The following ARFIP1 variants were observed in gnomAD, a reference collection of about 807,000 sequenced individuals.
ARFIP1 encodes arfaptin-1.
ARFIP1 carries 24 observed loss-of-function variants against 42.5 expected under a neutral mutation model. The observed-to-expected ratio is 0.57, with a 90% confidence interval of 0.41 to 0.80. The LOEUF is 0.80. ARFIP1 is among the 30% of genes least tolerant of loss of function. ARFIP1 has a pLI of 0.00. For missense variants in ARFIP1, 354 were observed against 434.0 expected, an observed-to-expected ratio of 0.82 and a Z score of 1.64; for synonymous variants, 141 against 153.7, an observed-to-expected ratio of 0.92 and a Z score of 0.61.
chr4:152,835,610 C>A (rs1170458685), intron 2 of ARFIP1, among the ~76,000 whole-genome samples: 3 of 152,192 alleles, frequency 2.0e-5, no homozygotes, highest in Non-Finnish European at 2.9e-5. Flanking sequence ...CTTCTGAGCC[C>A]TCTCAATTCT....
intron 1 of ARFIP1, among the ~76,000 whole-genome samples, chr4:152,820,348 A>G (rs1730270584): frequency 6.6e-6 from 1 of 152,356 alleles, no homozygotes; most frequent in South Asian, 2.1e-4. Context: ...AGTGCACACT[A>G]CTGGGGAACA....
intron 1 of ARFIP1, among the ~76,000 whole-genome samples, chr4:152,782,887 T>A (rs981349065): frequency 1.3e-5 from 2 of 152,176 alleles, no homozygotes; most frequent in South Asian, 4.1e-4. Flanking sequence ...TTTTTTAGAA[T>A]GTTAACTTGA....
At chr4:152,793,200 T>C (rs1441588358) in intron 1 of ARFIP1, among the ~76,000 whole-genome samples, 2 of 151,382 alleles carry the variant, frequency 1.3e-5, no homozygotes, top group Admixed American at 6.6e-5. Flanking sequence ...ATCAAAGTTA[T>C]AAACAAGAAG....
At chr4:152,811,915 C>T (rs1729498828) in intron 1 of ARFIP1, among the ~76,000 whole-genome samples, 1 of 152,066 alleles carries the variant, frequency 6.6e-6, no homozygotes, top group South Asian at 2.1e-4. Flanking sequence ...AATGATGTTC[C>T]CCCAAAATGG....
intron 3 of ARFIP1, among the ~76,000 whole-genome samples, chr4:152,869,586 CTACA>C (rs200939431): frequency 0.014 from 2,128 of 152,078 alleles, 28 homozygotes; most frequent in African/African-American, 0.034. Flanking sequence ...GTAGCTGGGA[CTACA>C]GGCTTGTGCC....
chr4:152,796,029 G>A, intron 1 of ARFIP1: 1 of 669,060 alleles, frequency 1.5e-6, no homozygotes, highest in African/African-American at 1.8e-5. Context: ...TTCAGTTGGT[G>A]TGTAGTGCTC....
chr4:152,875,889 G>A lies in ARFIP1; in HGVS notation c.411+3325G>A, dbSNP rs149492630. 5.6e-3 allele frequency among the ~76,000 whole-genome samples: 850 copies of A among 152,018 alleles called. 5 individuals are homozygous for A. Among genetic ancestry groups the A allele is most frequent in the African/African-American group, 0.018 (738 of 41,446 alleles). On this transcript the variant is annotated intron_variant, in intron 5 of 8. Coordinates refer to ENST00000353617, the MANE Select transcript of ARFIP1 (RefSeq NM_001025595.3). Reference sequence around the variant, plus strand: ...AGCCGGTCTTTCCCATGCTATTCTCGTGATAGTGAATAAGTCTCACAAGAT... The same window carrying A: ...AGCCGGTCTTTCCCATGCTATTCTCATGATAGTGAATAAGTCTCACAAGAT...
chr4:152,879,008 T>A (rs1735598329), intron 5 of ARFIP1, among the ~76,000 whole-genome samples: 1 of 144,980 alleles, frequency 6.9e-6, no homozygotes, highest in South Asian at 2.3e-4. Flanking sequence ...TGCTGATGGT[T>A]TTCTTGTTAA....
chr4:152,807,763 G>A (rs1158893979), intron 1 of ARFIP1, among the ~76,000 whole-genome samples: 1 of 150,668 alleles, frequency 6.6e-6, no homozygotes, highest in Non-Finnish European at 1.5e-5. Flanking sequence ...TAATTTTAAT[G>A]AGGTCCAGAT....
intron 2 of ARFIP1, among the ~76,000 whole-genome samples, chr4:152,856,243 A>G (rs1400223356): frequency 6.6e-6 from 1 of 152,180 alleles, no homozygotes; most frequent in East Asian, 1.9e-4. Context: ...AAATTTACAC[A>G]ATATTCTATG....
chr4:152,826,687 T>A (rs1391244229), intron 1 of ARFIP1, among the ~76,000 whole-genome samples: 1 of 152,158 alleles, frequency 6.6e-6, no homozygotes, highest in Non-Finnish European at 1.5e-5. Flanking sequence ...TCTGGGTGTA[T>A]ATCCAAAAGA....
intron 3 of ARFIP1, among the ~76,000 whole-genome samples, chr4:152,865,683 C>T (rs1257513796): frequency 6.6e-6 from 1 of 152,014 alleles, no homozygotes; most frequent in Non-Finnish European, 1.5e-5. Flanking sequence ...CATTCTGAAG[C>T]ATCATGGCAT....
chr4:152,808,860 G>A, intron 1 of ARFIP1, among the ~76,000 whole-genome samples: 1 of 152,132 alleles, frequency 6.6e-6, no homozygotes, highest in Non-Finnish European at 1.5e-5. Context: ...TCTGAGGATG[G>A]GAGTTCAAGA....
intron 8 of ARFIP1, among the ~76,000 whole-genome samples, chr4:152,893,831 A>G (rs1044336242): frequency 6.6e-6 from 1 of 152,202 alleles, no homozygotes; most frequent in Non-Finnish European, 1.5e-5. Flanking sequence ...CTTAAAATTT[A>G]TAGTCATTCC....
At chr4:152,904,198 A>ATATATAT (rs36085096) in intron 8 of ARFIP1, among the ~76,000 whole-genome samples, 7 of 126,704 alleles carry the variant, frequency 5.5e-5, no homozygotes, top group African/African-American at 2.0e-4. Context: ...ATATATATAT[A>ATATATAT]TTTTTTTTTT....
At chr4:152,894,070 T>G (rs1737094285) in intron 8 of ARFIP1, among the ~76,000 whole-genome samples, 2 of 151,808 alleles carry the variant, frequency 1.3e-5, no homozygotes, top group South Asian at 4.1e-4. Flanking sequence ...ATACAAAAAT[T>G]AGCCTAGCGT....
chr4:152,832,664 T>G (rs1731343798), intron 2 of ARFIP1, among the ~76,000 whole-genome samples: 1 of 152,240 alleles, frequency 6.6e-6, no homozygotes, highest in East Asian at 1.9e-4. Context: ...CTTCAGTATC[T>G]TGAAGACACT....
intron 8 of ARFIP1, among the ~76,000 whole-genome samples, chr4:152,895,158 G>C (rs910125129): frequency 6.6e-6 from 1 of 152,174 alleles, no homozygotes; most frequent in South Asian, 2.1e-4. Flanking sequence ...AAAATATGGA[G>C]GATAGATCTT....
Position 152,870,764 on chromosome 4 carries a change from C to T in ARFIP1, c.214C>T (p.Pro72Ser), listed in dbSNP as rs757981251. ...EAGAFQGSPAPPLPSVMSPSR... is the reference protein window; with the variant it reads ...EAGAFQGSPASPLPSVMSPSR... The stretch of plus-strand genomic sequence containing the variant: ...GTCTACCTTTTCAGGTTCCCCAGCA[C>T]CGCCACTGCCATCTGTTATGTCTCC... The change falls in exon 4 of 9, where the codon CCG (proline) becomes TCG (serine). Residue 72 changes from proline (P) to serine (S), a missense_variant. Transcript: ENST00000353617. The T allele has an allele frequency of 6.2e-7, 1 of 1,613,950 alleles. No homozygotes were observed. The highest frequency in any genetic ancestry group is 8.5e-7 in the Non-Finnish European group (1 of 1,179,846).
Sources: allele counts gnomAD v4.1 joint callset (sites outside exome capture counted in the v4.1 genomes callset), GRCh38; gene constraint gnomAD v4.1.1; transcripts MANE v1.5; gene names NCBI Gene and HGNC (gene_info 2026-07-23, HGNC 2026-07-21).